The following MSRA variants were observed in gnomAD, a reference collection of about 807,000 sequenced individuals.
MSRA encodes the protein methionine sulfoxide reductase A.
MSRA carries 54 observed loss-of-function variants against 31.3 expected under a neutral mutation model. The observed-to-expected ratio is 1.73, with a 90% CI of 1.39 to 2.17. The LOEUF (loss-of-function observed/expected upper bound fraction) is 2.17, where lower values mean the gene tolerates loss of function less well. Ranked by LOEUF, MSRA falls within the 30% of genes most tolerant of loss-of-function variation. MSRA has a pLI of 0.00. For missense variants in MSRA, 507 were observed against 300.9 expected (o/e 1.69, Z -5.07); for synonymous variants, 169 against 116.5 (o/e 1.45, Z -2.90).
intron 1 of MSRA, among the ~76,000 whole-genome samples, chr8:10,129,916 C>G (rs896909454): frequency 6.6e-6 from 1 of 152,096 alleles, no homozygotes; most frequent in Non-Finnish European, 1.5e-5. Context: ...ACATACATAT[C>G]TATATATAAA....
intron 3 of MSRA, among the ~76,000 whole-genome samples, chr8:10,247,507 G>A (rs1797684227): frequency 6.6e-6 from 1 of 152,124 alleles, no homozygotes; most frequent in African/African-American, 2.4e-5. Flanking sequence ...GAATGCCAAG[G>A]AAATTCTTTT....
intron 5 of MSRA, among the ~76,000 whole-genome samples, chr8:10,397,834 T>C (rs1415623101): frequency 6.6e-6 from 1 of 152,230 alleles, no homozygotes; most frequent in Admixed American, 6.5e-5. Context: ...TTTAGAACTT[T>C]TTATTCCTGT....
intron 5 of MSRA, 37 bp from the exon 6 acceptor site, chr8:10,428,111 G>A: frequency 6.3e-7 from 1 of 1,596,510 alleles, no homozygotes; most frequent in Non-Finnish European, 8.5e-7. Context: ...TGTCTCTCTA[G>A]CATGGGAGCT....
At chr8:10,244,902 C>G (rs1339305556) in intron 2 of MSRA, among the ~76,000 whole-genome samples, 4 of 152,012 alleles carry the variant, frequency 2.6e-5, no homozygotes, top group East Asian at 1.9e-4. Flanking sequence ...AAGAGATATT[C>G]TATGCAAATA....
chr8:10,168,086 C>T (rs983581577), intron 1 of MSRA, among the ~76,000 whole-genome samples: 1 of 152,114 alleles, frequency 6.6e-6, no homozygotes, highest in Admixed American at 6.5e-5. Flanking sequence ...GCTTTGTGTC[C>T]TTGGGCAAGT....
intron 3 of MSRA, among the ~76,000 whole-genome samples, chr8:10,265,678 A>G (rs1177490818): frequency 6.6e-6 from 1 of 152,210 alleles, no homozygotes; most frequent in African/African-American, 2.4e-5. Flanking sequence ...TAGACACTGT[A>G]AAGCCCTCAC....
intron 1 of MSRA, among the ~76,000 whole-genome samples, chr8:10,178,426 C>A (rs925261111): frequency 6.6e-6 from 1 of 151,850 alleles, no homozygotes; most frequent in African/African-American, 2.4e-5. Context: ...CCTGTCTCTA[C>A]TTGAAAAAAA....
At chr8:10,384,712 A>G (rs1001474292) in intron 5 of MSRA, among the ~76,000 whole-genome samples, 1 of 152,220 alleles carries the variant, frequency 6.6e-6, no homozygotes, top group Non-Finnish European at 1.5e-5. Context: ...GAACTGTTAA[A>G]GAAAAAATAA....
chr8:10,270,436 A>G (rs1585324196), intron 3 of MSRA, among the ~76,000 whole-genome samples: 1 of 151,010 alleles, frequency 6.6e-6, no homozygotes, highest in South Asian at 2.1e-4. Context: ...ATCCTCTACT[A>G]GGTGCCTTAT....
chr8:10,290,732 A>G (rs1800188943), intron 3 of MSRA, among the ~76,000 whole-genome samples: 1 of 152,174 alleles, frequency 6.6e-6, no homozygotes, highest in Non-Finnish European at 1.5e-5. Context: ...ACCTCTTTTT[A>G]AACTTGGTGG....
At chr8:10,320,043 G>C (rs746990117) in intron 5 of MSRA, 54 bp downstream of exon 5, 1 of 1,216,392 alleles carries the variant, frequency 8.2e-7, no homozygotes, top group Non-Finnish European at 1.2e-6. Flanking sequence ...ACTAGGGCCA[G>C]GTTCTGATTT....
chr8:10,246,243 G>C (rs933011069), intron 3 of MSRA, among the ~76,000 whole-genome samples: 2 of 152,132 alleles, frequency 1.3e-5, no homozygotes, highest in Admixed American at 1.3e-4. Flanking sequence ...TTTACCGTTG[G>C]GTGCTTTACA....
chr8:10,089,512 A>G (rs1233015286), intron 1 of MSRA, among the ~76,000 whole-genome samples: 1 of 152,238 alleles, frequency 6.6e-6, no homozygotes, highest in Non-Finnish European at 1.5e-5. Flanking sequence ...AGAAAGCAGC[A>G]TCTTGTCCAA....
chr8:10,114,847 G>C (rs1350887699), intron 1 of MSRA, among the ~76,000 whole-genome samples: 1 of 152,160 alleles, frequency 6.6e-6, no homozygotes, highest in Non-Finnish European at 1.5e-5. Flanking sequence ...AATTCTAGCA[G>C]AAATCCCAGT....
At chr8:10,184,655 C>T (rs368635388) in intron 1 of MSRA, among the ~76,000 whole-genome samples, 5 of 152,132 alleles carry the variant, frequency 3.3e-5, no homozygotes, top group East Asian at 1.9e-4. Flanking sequence ...CAGCTTGCCT[C>T]GTCCATCTCC....
intron 5 of MSRA, among the ~76,000 whole-genome samples, chr8:10,394,954 G>T (rs768071410): frequency 4.6e-5 from 7 of 152,198 alleles, no homozygotes; most frequent in Non-Finnish European, 7.3e-5. Flanking sequence ...CTTCGATGTT[G>T]ATGATATTGC....
At chr8:10,390,812 A>G (rs1806694767) in intron 5 of MSRA, among the ~76,000 whole-genome samples, 1 of 152,068 alleles carries the variant, frequency 6.6e-6, no homozygotes, top group Non-Finnish European at 1.5e-5. Flanking sequence ...TGTCTCTACT[A>G]AAAATAAAAA....
chr8:10,113,110 C>T (rs1022301633), intron 1 of MSRA, among the ~76,000 whole-genome samples: 2 of 151,864 alleles, frequency 1.3e-5, no homozygotes, highest in Non-Finnish European at 1.5e-5. Context: ...TGGTTTTATC[C>T]TCAGGGTAGA....
intron 3 of MSRA, among the ~76,000 whole-genome samples, chr8:10,255,812 A>C (rs1798146825): frequency 6.6e-6 from 1 of 151,926 alleles, no homozygotes; most frequent in Non-Finnish European, 1.5e-5. Context: ...TTTTTTAAAA[A>C]ACAAGTTTTA....
Sources: gnomAD v4.1 joint callset for allele counts (sites outside exome capture counted in the v4.1 genomes callset) on GRCh38, gnomAD v4.1.1 for gene constraint, MANE v1.5 for transcripts, NCBI Gene and HGNC (gene_info 2026-07-23, HGNC 2026-07-21) for gene names.